Variants in SPG11 observed in about 807,000 individuals in gnomAD.
The protein encoded by SPG11 is spatacsin.
In SPG11, 222 loss-of-function variants were observed where a neutral mutation model predicts 274.0. The observed-to-expected ratio is 0.81, with a 90% CI of 0.73 to 0.91. SPG11 has a LOEUF of 0.91. Among genes scored for constraint, SPG11 ranks in the 40% least tolerant of loss-of-function variants. The pLI, the probability that SPG11 is intolerant of heterozygous loss-of-function variation, is 0.00. For missense variants in SPG11, 3,114 were observed against 2,872.7 expected (o/e 1.08, Z -1.92); for synonymous variants, 1,144 against 1,039.7 (o/e 1.10, Z -1.93).
chr15:44,628,232 G>T (rs1381009411), intron 10 of SPG11, among the ~76,000 whole-genome samples: 1 of 152,204 alleles, frequency 6.6e-6, no homozygotes, highest in Non-Finnish European at 1.5e-5. Context: ...TAGAATTTCA[G>T]ATAGGACTAA....
At position 44,600,448 on chromosome 15, in the gene SPG11, T is replaced by C; in HGVS notation, c.3686+19A>G. On this transcript the variant is annotated intron_variant, in intron 21 of 39. Transcript: ENST00000261866. ...TGTGAACCACTGTACCCAGACAAAA[T>C]TATATTTTAAATACTCACAGCTGCT... The C allele has an allele frequency of 6.2e-7, 1 of 1,613,442 alleles. No homozygotes were observed. Among genetic ancestry groups the C allele is most frequent in the Non-Finnish European group, 8.5e-7 (1 of 1,179,582 alleles).
chr15:44,592,179 A>G, intron 27 of SPG11, 152 bp downstream of exon 27: 1 of 641,354 alleles, frequency 1.6e-6, no homozygotes, highest in Non-Finnish European at 2.8e-6. Context: ...GGATCCCTTG[A>G]GCCCAGGAGT....
Position 44,613,508 on chromosome 15 carries a change from C to T in SPG11, c.3067G>A (p.Glu1023Lys). 2 of 1,612,576 alleles carry T rather than the reference C, an allele frequency of 1.2e-6. No homozygotes were observed. The highest frequency in any genetic ancestry group is 2.2e-5 in the East Asian group (1 of 44,834). ...KLSPENCPFL[E>K]KKELHEAHPW... Reference sequence around the variant, plus strand: ...TGTGCTTCATGTAACTCTTTTTTTTCCAAAAAGGGACAATTTTCAGGACTA... The same window carrying T: ...TGTGCTTCATGTAACTCTTTTTTTTTCAAAAAGGGACAATTTTCAGGACTA... The change falls in exon 17 of 40, where the codon GAA becomes AAA. Residue 1023 changes from glutamate to lysine, a missense_variant. Glu to Lys is a moderately conservative substitution (Grantham distance 56, BLOSUM62 1). Coordinates refer to ENST00000261866, the MANE Select transcript of SPG11 (RefSeq NM_025137.4).
At chr15:44,571,472 G>A (rs144136303) in intron 33 of SPG11, among the ~76,000 whole-genome samples, 17 of 151,510 alleles carry the variant, frequency 1.1e-4, no homozygotes, top group African/African-American at 3.6e-4. Context: ...GATAGAGAAG[G>A]CTATTTTTAT....
At chr15:44,569,653 A>C (rs769892380) in intron 34 of SPG11, 148 bp from the exon 35 acceptor site, 7 of 702,192 alleles carry the variant, frequency 1.0e-5, no homozygotes, top group Non-Finnish European at 1.8e-5. Context: ...GCTCCCTCCC[A>C]TGTACCCAAC....
intron 33 of SPG11, among the ~76,000 whole-genome samples, chr15:44,571,496 CTTT>C (rs796235342): frequency 7.1e-5 from 9 of 126,126 alleles, no homozygotes; most frequent in Admixed American, 2.4e-4. Flanking sequence ...AATTTCTTTT[CTTT>C]TTTTTTTTTT....
intron 33 of SPG11, chr15:44,572,475 G>A (rs1232231819): frequency 1.0e-5 from 6 of 583,536 alleles, no homozygotes; most frequent in Non-Finnish European, 1.8e-5. Context: ...TTACCTTTTT[G>A]TATGATTTTA....
chr15:44,573,189 G>C (rs2082459901), intron 32 of SPG11, among the ~76,000 whole-genome samples: 1 of 151,610 alleles, frequency 6.6e-6, no homozygotes, highest in Admixed American at 6.6e-5. Context: ...GTTTCACTGT[G>C]TTAGCCAGGA....
intron 18 of SPG11, among the ~76,000 whole-genome samples, chr15:44,609,895 A>ATTTTTTTT (rs771457335): frequency 9.4e-6 from 1 of 106,116 alleles, no homozygotes; most frequent in Non-Finnish European, 1.9e-5. Context: ...TGCCCAGCTA[A>ATTTTTTTT]TTTTTTTTTT....
At chr15:44,589,587 G>T (rs1305335954) in intron 27 of SPG11, among the ~76,000 whole-genome samples, 173 bp from the exon 28 acceptor site, 2 of 152,208 alleles carry the variant, frequency 1.3e-5, no homozygotes, top group Admixed American at 1.3e-4. Flanking sequence ...GGGGCTCAGA[G>T]GACTGGCAAA....
Position 44,659,105 on chromosome 15 carries a change from A to G in SPG11, c.641T>C (p.Phe214Ser). Residue 214 changes from phenylalanine (F) to serine (S), a missense_variant, in exon 3 of 40, where the codon TTT (phenylalanine) becomes TCT (serine). Transcript: ENST00000261866. ...IDTQLCRGIL[F>S]VLSSLGWIYI... The stretch of plus-strand genomic sequence containing the variant: ...GATCCAGCCTAAACTACTCAAAACA[A>G]AAAGAATTCCTCTGCAGAGCTGCGT... The G allele has an allele frequency of 6.2e-7, 1 of 1,614,226 alleles. No individual in the cohort carries two copies. The highest frequency in any genetic ancestry group is 8.5e-7 in the Non-Finnish European group (1 of 1,180,038).
Position 44,641,436 on chromosome 15 carries a change from T to C in SPG11, c.1602+7430A>G, listed in dbSNP as rs148837675. 4.1e-3 allele frequency among the ~76,000 whole-genome samples: 624 copies of C among 151,920 alleles called. 19 individuals are homozygous for C. Among genetic ancestry groups the C allele is most frequent in the East Asian group, 0.037 (193 of 5,180 alleles). On this transcript the variant is annotated intron_variant, in intron 7 of 39. Transcript: ENST00000261866. ...TTAAGTAAAAAGACAAGCCACAGAC[T>C]AGAATACATCCACCACACAAACAAC...
intron 30 of SPG11, 114 bp downstream of exon 30, chr15:44,583,700 G>A: frequency 2.8e-6 from 4 of 1,405,112 alleles, no homozygotes; most frequent in South Asian, 1.2e-5. Context: ...CTGGAAAAAA[G>A]TTGTTGTCCC....
In SPG11 at chr15:44,596,096, G is replaced by C; in HGVS notation, c.4421C>G (p.Ala1474Gly). 6.2e-7 allele frequency: 1 copy of C among 1,613,440 alleles called. No individual in the cohort carries two copies. Among genetic ancestry groups the C allele is most frequent in the Non-Finnish European group, 8.5e-7 (1 of 1,180,028 alleles). ...KQQAPILSVLASCLQGASAIS... is the reference protein window; with the variant it reads ...KQQAPILSVLGSCLQGASAIS... ...CATGATCCTCACCTGGAGACATGAG[G>C]CCAGAACACTGAGGATAGGGGCCTG... The change falls in exon 25 of 40, where the codon GCC becomes GGC. Residue 1474 changes from alanine (A) to glycine (G), a missense_variant. Coordinates refer to ENST00000261866, the MANE Select transcript of SPG11 (RefSeq NM_025137.4).
At position 44,663,629 on chromosome 15, in the gene SPG11, C is replaced by A. The variant is rs774670657; in HGVS notation, c.19G>T (p.Val7Phe). Residue 7 changes from valine (V) to phenylalanine (F), a missense_variant, in exon 1 of 40, where the codon GTC becomes TTC. Coordinates refer to ENST00000261866, the MANE Select transcript of SPG11 (RefSeq NM_025137.4). ...CCGCCGGCGGAAGCAGCACTCGCGACCCCTTCCTCTGCAGCCATCTTGGCC... is the reference window on the plus strand; with the variant it reads ...CCGCCGGCGGAAGCAGCACTCGCGAACCCTTCCTCTGCAGCCATCTTGGCC... MAAEEG[V>F]ASAASAGGSW... 6.9e-6 allele frequency: 11 copies of A among 1,595,724 alleles called. No individual in the cohort carries two copies. Among genetic ancestry groups the A allele is most frequent in the African/African-American group, 1.3e-5 (1 of 74,858 alleles).
At chr15:44,607,429 G>A (rs1595874621) in intron 19 of SPG11, among the ~76,000 whole-genome samples, 3 of 152,228 alleles carry the variant, frequency 2.0e-5, no homozygotes, top group African/African-American at 4.8e-5. Context: ...CTATAGGCAC[G>A]TGCCACCATG....
intron 7 of SPG11, among the ~76,000 whole-genome samples, chr15:44,636,640 C>G (rs2084262663): frequency 6.6e-6 from 1 of 151,664 alleles, no homozygotes; most frequent in South Asian, 2.1e-4. Context: ...CCAGCCTGGG[C>G]AACAGAGTGA....
At chr15:44,600,378 G>T (rs1322799726) in intron 21 of SPG11, 89 bp downstream of exon 21, 13 of 1,438,700 alleles carry the variant, frequency 9.0e-6, no homozygotes, top group Non-Finnish European at 1.3e-5. Flanking sequence ...TTGAACTCCT[G>T]GGCTCAAGTG....
Position 44,565,930 on chromosome 15 carries a change from C to G in SPG11, c.6923G>C (p.Gly2308Ala), listed in dbSNP as rs149226233. ...CAAGTTGATGAGCATTGTGTTCTGG[C>G]CAGTGTTCAGAAAGTGAATCTGCAG... ...ITLQIHFLNTGQNTMLINLGR... is the reference protein window; with the variant it reads ...ITLQIHFLNTAQNTMLINLGR... The change falls in exon 38 of 40, where the codon GGC becomes GCC. Residue 2308 changes from glycine to alanine, a missense_variant. Gly to Ala is a moderately conservative substitution (Grantham distance 60). Transcript: ENST00000261866. 2 of 1,613,578 alleles carry G rather than the reference C, an allele frequency of 1.2e-6. No individual in the cohort carries two copies. The highest frequency in any genetic ancestry group is 4.5e-5 in the East Asian group (2 of 44,882).
Sources: allele counts gnomAD v4.1 joint callset (sites outside exome capture counted in the v4.1 genomes callset), GRCh38; gene constraint gnomAD v4.1.1; transcripts MANE v1.5; gene names NCBI Gene and HGNC (gene_info 2026-07-23, HGNC 2026-07-21).